The following DRC10 variants were observed in gnomAD, a reference collection of about 807,000 sequenced individuals.
DRC10 encodes dynein regulatory complex subunit 10, also known as IQ domain-containing protein D.
chr12:113,210,538 G>T, the DRC10 span, among the ~76,000 whole-genome samples: 1 of 151,158 alleles, frequency 6.6e-6, no homozygotes, highest in Non-Finnish European at 1.5e-5. Context: ...GAAGTGGGAG[G>T]ATCGCTTGAG....
At chr12:113,207,855 G>A in the DRC10 span, 377 of 1,614,140 alleles carry the variant, frequency 2.3e-4, no homozygotes, top group East Asian at 1.8e-4. Flanking sequence ...GGCACCTGAC[G>A]TTTTCAAGGA....
the DRC10 span, among the ~76,000 whole-genome samples, chr12:113,214,227 G>A: frequency 2.6e-5 from 4 of 152,026 alleles, no homozygotes; most frequent in African/African-American, 7.2e-5. Flanking sequence ...TCACTGTTGC[G>A]GTTGGGCTCA....
the DRC10 span, among the ~76,000 whole-genome samples, chr12:113,213,193 A>AC: frequency 6.6e-6 from 1 of 151,286 alleles, no homozygotes; most frequent in South Asian, 2.1e-4. Flanking sequence ...AAAAAAAAAA[A>AC]AAAAAAAAAA....
At chr12:113,201,365 G>A in the DRC10 span, among the ~76,000 whole-genome samples, 3 of 152,342 alleles carry the variant, frequency 2.0e-5, no homozygotes, top group African/African-American at 7.2e-5. Flanking sequence ...CTGAAGCCAG[G>A]TTTGTCTGAC....
the DRC10 span, chr12:113,200,433 C>T: frequency 2.8e-5 from 21 of 751,922 alleles, no homozygotes; most frequent in East Asian, 1.3e-4. Flanking sequence ...GCTCCTGTGC[C>T]CTTCCCCTCC....
the DRC10 span, among the ~76,000 whole-genome samples, chr12:113,212,119 GGA>G: frequency 3.3e-5 from 5 of 150,634 alleles, no homozygotes; most frequent in Admixed American, 3.3e-4. Context: ...CACCCAGGCT[GGA>G]GTGCAATGGT....
At chr12:113,206,117 G>A in the DRC10 span, 2 of 151,638 alleles carry the variant, frequency 1.3e-5, no homozygotes, top group Non-Finnish European at 2.9e-5. Context: ...CTACTCGGGA[G>A]GCTGAGGCAG....
At chr12:113,210,894 T>G in the DRC10 span, among the ~76,000 whole-genome samples, 1 of 152,228 alleles carries the variant, frequency 6.6e-6, no homozygotes, top group Non-Finnish European at 1.5e-5. Flanking sequence ...ACTTTTATTT[T>G]CATATTGTCT....
chr12:113,214,811 A>G, the DRC10 span, among the ~76,000 whole-genome samples: 1 of 152,018 alleles, frequency 6.6e-6, no homozygotes, highest in Non-Finnish European at 1.5e-5. Context: ...TTACTTTTTC[A>G]TAGTTGAGTG....
At chr12:113,214,460 C>T in the DRC10 span, among the ~76,000 whole-genome samples, 4 of 146,162 alleles carry the variant, frequency 2.7e-5, no homozygotes, top group South Asian at 4.3e-4. Flanking sequence ...GAGCTGAGAT[C>T]GCACCACTGC....
chr12:113,201,500 G>A, the DRC10 span, among the ~76,000 whole-genome samples: 1 of 152,238 alleles, frequency 6.6e-6, no homozygotes, highest in Non-Finnish European at 1.5e-5. Flanking sequence ...GGACACAGCA[G>A]GGGAGGCCCA....
chr12:113,218,071 A>G, the DRC10 span, among the ~76,000 whole-genome samples: 4 of 152,174 alleles, frequency 2.6e-5, no homozygotes, highest in Admixed American at 2.6e-4. Flanking sequence ...TTGGCAGGAT[A>G]GTTCCCCACA....
chr12:113,214,928 TC>T, the DRC10 span, among the ~76,000 whole-genome samples: 1 of 152,186 alleles, frequency 6.6e-6, no homozygotes, highest in African/African-American at 2.4e-5. Flanking sequence ...TGTAAAAGAT[TC>T]CCAGGCTAGG....
At chr12:113,195,750 T>G in the DRC10 span, 1 of 1,613,982 alleles carries the variant, frequency 6.2e-7, no homozygotes, top group Non-Finnish European at 8.5e-7. Flanking sequence ...CTGCTCTGCC[T>G]CCATCCTTTT....
the DRC10 span, chr12:113,207,108 G>A: frequency 1.3e-4 from 51 of 381,932 alleles, no homozygotes; most frequent in South Asian, 1.1e-3. Flanking sequence ...AGCACTTTGG[G>A]AGGCCAAAGC....
the DRC10 span, chr12:113,207,657 C>G: frequency 1.9e-6 from 3 of 1,614,128 alleles, no homozygotes; most frequent in Non-Finnish European, 2.5e-6. Flanking sequence ...GTGTCTGCAT[C>G]TGCAGGAGCC....
chr12:113,217,706 G>A, the DRC10 span, among the ~76,000 whole-genome samples: 5,330 of 152,100 alleles, frequency 0.035, 176 homozygotes, highest in East Asian at 0.12. Flanking sequence ...TAATTTTTAC[G>A]TTTTTAGGAG....
chr12:113,200,520 TCCCACCCA>T, the DRC10 span: 25 of 991,400 alleles, frequency 2.5e-5, no homozygotes, highest in East Asian at 3.7e-4. Context: ...GATGGAACAG[TCCCACCCA>T]TCCCCCCCAC....
At chr12:113,209,298 T>C in the DRC10 span, among the ~76,000 whole-genome samples, 3 of 152,248 alleles carry the variant, frequency 2.0e-5, no homozygotes, top group African/African-American at 7.2e-5. Flanking sequence ...AAATGTAATG[T>C]TGTATTCTGG....
Sources: allele counts gnomAD v4.1 joint callset (sites outside exome capture counted in the v4.1 genomes callset), GRCh38; gene constraint gnomAD v4.1.1; transcripts MANE v1.5; gene names NCBI Gene and HGNC (gene_info 2026-07-23, HGNC 2026-07-21).